Variants in TTL observed in about 807,000 individuals in gnomAD.
TTL encodes the protein tubulin tyrosine ligase.
In TTL, 10 loss-of-function variants were observed where a neutral mutation model predicts 41.1. The observed-to-expected ratio is 0.24, with a 90% CI of 0.15 to 0.41. The LOEUF is 0.41. TTL is among the 10% of genes least tolerant of loss of function. TTL has a pLI of 1.00. For missense variants in TTL, 367 were observed against 460.4 expected, an observed-to-expected ratio of 0.80 and a Z score of 1.86; for synonymous variants, 175 against 175.5, an observed-to-expected ratio of 1.00 and a Z score of 0.02.
At chr2:112,493,345 C>T (rs1344612605) in intron 2 of TTL, among the ~76,000 whole-genome samples, 4 of 148,180 alleles carry the variant, frequency 2.7e-5, no homozygotes, top group Non-Finnish European at 5.9e-5. Context: ...TTTGTAGTAG[C>T]TTGAGCTGTT....
At chr2:112,520,586 T>C (rs1682197610) in intron 6 of TTL, 161 bp downstream of exon 6, 7 of 930,456 alleles carry the variant, frequency 7.5e-6, no homozygotes, top group Non-Finnish European at 1.1e-5. Context: ...CTTTGCTGAG[T>C]CACTTCCTTT....
intron 3 of TTL, among the ~76,000 whole-genome samples, chr2:112,495,102 C>A (rs1208492680): frequency 6.6e-6 from 1 of 152,192 alleles, no homozygotes; most frequent in Non-Finnish European, 1.5e-5. Flanking sequence ...GCTTTGCTCT[C>A]TGCACTGTAG....
chr2:112,484,579 A>G (rs537414333), intron 1 of TTL, among the ~76,000 whole-genome samples: 1 of 152,028 alleles, frequency 6.6e-6, no homozygotes, highest in East Asian at 1.9e-4. Context: ...TTTGGTTTTT[A>G]TGGGAAAGAA....
chr2:112,503,496 C>T (rs987856313), intron 5 of TTL, among the ~76,000 whole-genome samples: 6 of 148,944 alleles, frequency 4.0e-5, no homozygotes, highest in Non-Finnish European at 5.9e-5. Context: ...TGCAATGGTG[C>T]GATCTCGGCT....
In TTL at chr2:112,482,723, C is replaced by G. The variant is rs1013046129; in HGVS notation, c.157+222C>G. On this transcript the variant is annotated intron_variant, in intron 1 of 6. Transcript: ENST00000233336. This position sits in a 1 kb window ranked among gnomAD's most constrained non-coding sequence, Gnocchi z 5.3. Reference sequence around the variant, plus strand: ...GAGTCGGAGTCGCGGTGCGGCCACTCGGGGCCGCAGCTACCTCCCGACGGT... The same window carrying G: ...GAGTCGGAGTCGCGGTGCGGCCACTGGGGGCCGCAGCTACCTCCCGACGGT... Among the ~76,000 whole-genome samples the G allele has an allele frequency of 6.6e-6, 1 of 152,214 alleles. No individual in the cohort carries two copies. Among genetic ancestry groups the G allele is most frequent in the African/African-American group, 2.4e-5 (1 of 41,468 alleles).
chr2:112,528,533 G>A (rs1380154954), intron 6 of TTL, 148 bp from the exon 7 acceptor site: 7 of 633,016 alleles, frequency 1.1e-5, no homozygotes, highest in Non-Finnish European at 2.0e-5. Context: ...CCAGGAATTT[G>A]AGGCTGCAGT....
At position 112,533,149 on chromosome 2, in the gene TTL, C is replaced by A. The variant is rs537553963; in HGVS notation, c.*4354C>A. The A allele has an allele frequency of 6.6e-6, 1 of 152,386 alleles. No individual in the cohort carries two copies. The highest frequency in any genetic ancestry group is 1.9e-4 in the East Asian group (1 of 5,196). The allele number at this position is 152,386 out of a possible 1,614,324, so 9.4% of individuals were successfully genotyped here. ...CTGCCTTCTGTGGCTGCTTCCACTT[C>A]ATAAATATACCTCTGGCACAGAGGA... On this transcript the variant is annotated 3_prime_UTR_variant, in exon 7 of 7. Transcript: ENST00000233336.
rs1308193820 is a variant in TTL at position 112,482,236 on chromosome 2, G to T, written c.-109G>T. 1 of 837,328 alleles carries T rather than the reference G, an allele frequency of 1.2e-6. No individual in the cohort carries two copies. Among genetic ancestry groups the T allele is most frequent in the African/African-American group, 1.9e-5 (1 of 53,748 alleles). 51.9% of individuals were successfully genotyped at this position (837,328 alleles called of 1,614,324 possible). A position where few individuals can be genotyped will look rare whatever the true frequency, so the allele number is the denominator to read the frequency against. ...AGGCGCGGTAGCCGGCGCGGGCGGC[G>T]GGGGCCGGGCCGCGGCGGGCGCCCG... On this transcript the variant is annotated 5_prime_UTR_variant, in exon 1 of 7. Transcript: ENST00000233336. The surrounding 1 kb of genome is among the most constrained non-coding windows in gnomAD (Gnocchi z 5.3).
rs1190645152 is a variant in TTL at position 112,540,700 on chromosome 2, T to C, written c.*11905T>C. The C allele has an allele frequency of 6.6e-6, 1 of 152,226 alleles. No individual in the cohort carries two copies. Among genetic ancestry groups the C allele is most frequent in the Non-Finnish European group, 1.5e-5 (1 of 68,038 alleles). 9.4% of individuals were successfully genotyped at this position (152,226 alleles called of 1,614,324 possible). A position where few individuals can be genotyped will look rare whatever the true frequency, so the allele number is the denominator to read the frequency against. On this transcript the variant is annotated 3_prime_UTR_variant, in exon 7 of 7. Transcript: ENST00000233336. ...CCCTTGCATCTATAGTGAACTGATTTTCGACAAGGAGGCCAAGACAATTTG... is the reference window on the plus strand; with the variant it reads ...CCCTTGCATCTATAGTGAACTGATTCTCGACAAGGAGGCCAAGACAATTTG...
chr2:112,523,617 T>C (rs1365937975), intron 6 of TTL, among the ~76,000 whole-genome samples: 1 of 152,056 alleles, frequency 6.6e-6, no homozygotes, highest in Non-Finnish European at 1.5e-5. Flanking sequence ...CTGTCTGTAA[T>C]GCAAGGTGGC....
At chr2:112,492,909 T>C (rs976286151) in intron 2 of TTL, among the ~76,000 whole-genome samples, 2 of 151,910 alleles carry the variant, frequency 1.3e-5, no homozygotes, top group African/African-American at 2.4e-5. Flanking sequence ...AAAATAAAAA[T>C]AAAATAAAAA....
At chr2:112,494,062 T>G in intron 2 of TTL, 81 bp from the exon 3 acceptor site, 1 of 1,074,362 alleles carries the variant, frequency 9.3e-7, no homozygotes, top group Non-Finnish European at 1.4e-6. Flanking sequence ...GGAAAGTCTC[T>G]GGGGGAAAGG....
chr2:112,525,522 G>T (rs1421065654), intron 6 of TTL, among the ~76,000 whole-genome samples: 1 of 152,142 alleles, frequency 6.6e-6, no homozygotes, highest in African/African-American at 2.4e-5. Flanking sequence ...TTGTAAGTTG[G>T]ATTATTGGTA....
At position 112,532,534 on chromosome 2, in the gene TTL, TTGAGGCTGAGGTG is replaced by T. The variant is rs1367663045; in HGVS notation, c.*3748_*3760del. On this transcript the variant is annotated 3_prime_UTR_variant, in exon 7 of 7. Coordinates refer to ENST00000233336, the MANE Select transcript of TTL (RefSeq NM_153712.5). ...GTGGTGGCTGAGGTGGGAGGATCGC[TTGAGGCTGAGGTG>T]TGAGGCTGCAGTGAACCATGTTCAC... The T allele has an allele frequency of 4.8e-6, 1 of 207,814 alleles. No individual in the cohort carries two copies. Among genetic ancestry groups the T allele is most frequent in the Non-Finnish European group, 9.8e-6 (1 of 101,920 alleles). 12.9% of individuals were successfully genotyped at this position (207,814 alleles called of 1,614,324 possible).
At chr2:112,488,087 C>G (rs1339616292) in intron 2 of TTL, among the ~76,000 whole-genome samples, 1 of 152,138 alleles carries the variant, frequency 6.6e-6, no homozygotes, top group Non-Finnish European at 1.5e-5. Context: ...CAGTGCAAGA[C>G]CCTGTGCAGC....
At chr2:112,524,447 CCAG>C (rs1487828376) in intron 6 of TTL, among the ~76,000 whole-genome samples, 1 of 152,226 alleles carries the variant, frequency 6.6e-6, no homozygotes, top group African/African-American at 2.4e-5. Flanking sequence ...CACATCCTCT[CCAG>C]CACCTGTTGC....
rs1012536823 is a variant in TTL at position 112,535,484 on chromosome 2, CAA to C, written c.*6691_*6692del. The C allele has an allele frequency of 1.3e-5, 2 of 151,826 alleles. No homozygotes were observed. The highest frequency in any genetic ancestry group is 2.4e-5 in the African/African-American group (1 of 41,298). The allele number at this position is 151,826 out of a possible 1,614,324, so 9.4% of individuals were successfully genotyped here. A position where few individuals can be genotyped will look rare whatever the true frequency, so the allele number is the denominator to read the frequency against. On this transcript the variant is annotated 3_prime_UTR_variant, in exon 7 of 7. Coordinates refer to ENST00000233336, the MANE Select transcript of TTL (RefSeq NM_153712.5). ...CAACAAATTCTAAGCAGGAAAGACT[CAA>C]AGAGTCCACCTCAAGACACACCAGC...
chr2:112,509,343 C>T (rs1008559547), intron 5 of TTL, among the ~76,000 whole-genome samples: 10 of 151,618 alleles, frequency 6.6e-5, no homozygotes, highest in African/African-American at 2.4e-4. Context: ...TGGGCTCCAC[C>T]CAGTTCGAGC....
At chr2:112,489,229 G>A (rs1420095971) in intron 2 of TTL, among the ~76,000 whole-genome samples, 4 of 151,980 alleles carry the variant, frequency 2.6e-5, no homozygotes, top group Admixed American at 2.6e-4. Context: ...AATCTAATGT[G>A]AATTTTACAT....
Sources: allele counts gnomAD v4.1 joint callset (sites outside exome capture counted in the v4.1 genomes callset), GRCh38; gene constraint gnomAD v4.1.1; non-coding constraint Gnocchi (gnomAD v3.1); transcripts MANE v1.5; gene names NCBI Gene and HGNC (gene_info 2026-07-23, HGNC 2026-07-21).